The following SHOC1 variants were observed in gnomAD, a reference collection of about 807,000 sequenced individuals.
SHOC1 encodes shortage in chiasmata 1.
In SHOC1, 136 loss-of-function variants were observed where a neutral mutation model predicts 179.2. The observed-to-expected ratio is 0.76, with a 90% confidence interval of 0.66 to 0.87. The LOEUF is 0.87. SHOC1 is among the 40% of genes least tolerant of loss of function. The pLI is 0.00. For synonymous variants in SHOC1, 489 were observed against 586.6 expected (o/e 0.83, Z 2.41); for missense variants, 1,538 against 1,700.8 (o/e 0.90, Z 1.68).
Position 111,723,800 on chromosome 9 carries a change from T to C in SHOC1, c.1946A>G (p.Gln649Arg). ...AAAAGCATATAACATACCTGACGCTTGAATTTCAATGACACTATCTGTTCC... is the reference window on the plus strand; with the variant it reads ...AAAAGCATATAACATACCTGACGCTCGAATTTCAATGACACTATCTGTTCC... Reference protein sequence around the residue: ...ERGTDSVIEIQASDSQCQAFC... With the variant: ...ERGTDSVIEIRASDSQCQAFC... The change falls in exon 14 of 28, where the codon CAA becomes CGA. Residue 649 changes from glutamine to arginine, a missense_variant. Gln to Arg is a conservative substitution (Grantham distance 43). Coordinates refer to ENST00000682961, the MANE Select transcript of SHOC1 (RefSeq NM_001378211.1). 6.2e-7 allele frequency: 1 copy of C among 1,611,520 alleles called. No homozygotes were observed. The highest frequency in any genetic ancestry group is 1.1e-5 in the South Asian group (1 of 90,544).
At chr9:111,788,344 G>A (rs1432286115) in intron 2 of SHOC1, among the ~76,000 whole-genome samples, 1 of 151,990 alleles carries the variant, frequency 6.6e-6, no homozygotes, top group Non-Finnish European at 1.5e-5. Flanking sequence ...ACAGGGTTTT[G>A]CCATGTTGGC....
intron 5 of SHOC1, 36 bp from the exon 6 acceptor site, chr9:111,758,884 A>G: frequency 7.8e-7 from 1 of 1,281,576 alleles, no homozygotes; most frequent in Non-Finnish European, 1.1e-6. Flanking sequence ...GAATAAGAAA[A>G]AAACAAAAAG....
intron 4 of SHOC1, among the ~76,000 whole-genome samples, chr9:111,779,884 T>C (rs1255496798): frequency 3.9e-5 from 6 of 152,218 alleles, no homozygotes; most frequent in Admixed American, 3.9e-4. Context: ...ACAGGTAAAA[T>C]GACCAGCAAA....
At chr9:111,737,118 G>A (rs1833842985) in intron 12 of SHOC1, among the ~76,000 whole-genome samples, 1 of 152,178 alleles carries the variant, frequency 6.6e-6, no homozygotes, top group Non-Finnish European at 1.5e-5. Flanking sequence ...GGTGGGGGAT[G>A]TAAATTAGTT....
chr9:111,704,110 T>A (rs1265101084), intron 21 of SHOC1, 118 bp from the exon 22 acceptor site: 1 of 549,626 alleles, frequency 1.8e-6, no homozygotes, highest in Non-Finnish European at 3.2e-6. Context: ...TTCTTTTACA[T>A]GTCAATTTGT....
chr9:111,756,121 T>TTGACAA (rs1834848031), intron 8 of SHOC1, among the ~76,000 whole-genome samples: 1 of 146,512 alleles, frequency 6.8e-6, no homozygotes, highest in African/African-American at 2.7e-5. Flanking sequence ...AAATTTTGTC[T>TTGACAA]CGACAACAAC....
chr9:111,750,689 T>G (rs1037107008), intron 8 of SHOC1, among the ~76,000 whole-genome samples: 3 of 152,164 alleles, frequency 2.0e-5, no homozygotes, highest in Non-Finnish European at 2.9e-5. Context: ...TTTTGGGGGT[T>G]GTTTGCTTTT....
intron 11 of SHOC1, among the ~76,000 whole-genome samples, chr9:111,741,144 T>TA (rs935622477): frequency 1.6e-4 from 25 of 152,190 alleles, no homozygotes; most frequent in Non-Finnish European, 1.9e-4. Context: ...GATTTTTTTT[T>TA]ATTTTTATTT....
chr9:111,731,481 G>A (rs928966982), intron 12 of SHOC1, among the ~76,000 whole-genome samples: 1 of 152,134 alleles, frequency 6.6e-6, no homozygotes, highest in Non-Finnish European at 1.5e-5. Flanking sequence ...CATAGAGTGG[G>A]CCAAGGAAAG....
At chr9:111,688,470 C>T (rs756180346) in intron 27 of SHOC1, among the ~76,000 whole-genome samples, 26 of 151,828 alleles carry the variant, frequency 1.7e-4, no homozygotes, top group Non-Finnish European at 1.5e-4. Flanking sequence ...ACAAAGTGTC[C>T]CAAGTACATT....
At position 111,758,250 on chromosome 9, in the gene SHOC1, G is replaced by A. The variant is rs189914052; in HGVS notation, c.597-55C>T. ...ACTAAAAGCAAGTTACATACTAAAT[G>A]TAGCCAACCAAAACACATAATCATT... is the stretch of plus-strand genomic sequence containing the variant. On this transcript the variant is annotated intron_variant, in intron 6 of 27. Coordinates refer to ENST00000682961, the MANE Select transcript of SHOC1 (RefSeq NM_001378211.1). 3.2e-4 allele frequency: 291 copies of A among 915,950 alleles called. No homozygotes were observed. In the Middle Eastern group the frequency reaches 5.7e-3, roughly 18 times the overall value. 56.7% of individuals were successfully genotyped at this position (915,950 alleles called of 1,614,324 possible).
intron 18 of SHOC1, among the ~76,000 whole-genome samples, chr9:111,712,067 A>T (rs1350595511): frequency 6.6e-6 from 1 of 152,238 alleles, no homozygotes; most frequent in Non-Finnish European, 1.5e-5. Context: ...AGCTATAGGT[A>T]TAGACAAAGA....
chr9:111,716,531 C>T (rs979499196), intron 16 of SHOC1, among the ~76,000 whole-genome samples: 2 of 151,928 alleles, frequency 1.3e-5, no homozygotes, highest in African/African-American at 4.8e-5. Context: ...GCTGGGACTA[C>T]AGGTGTGCAC....
chr9:111,690,464 TTAAA>T (rs1433984945), intron 27 of SHOC1, among the ~76,000 whole-genome samples: 1 of 152,096 alleles, frequency 6.6e-6, no homozygotes, highest in Non-Finnish European at 1.5e-5. Context: ...GCATGAAATA[TTAAA>T]TAAAACAAAA....
intron 18 of SHOC1, among the ~76,000 whole-genome samples, chr9:111,711,852 C>T (rs1832568066): frequency 6.6e-6 from 1 of 152,086 alleles, no homozygotes; most frequent in African/African-American, 2.4e-5. Flanking sequence ...TGATTCTCTC[C>T]AATAGCGCTC....
At chr9:111,693,245 G>A (rs1831524205) in intron 26 of SHOC1, among the ~76,000 whole-genome samples, 1 of 151,926 alleles carries the variant, frequency 6.6e-6, no homozygotes, top group East Asian at 1.9e-4. Flanking sequence ...GCTGGAGACT[G>A]CAGTGAGCCG....
chr9:111,719,842 A>G (rs1832957003), intron 15 of SHOC1, among the ~76,000 whole-genome samples: 1 of 152,218 alleles, frequency 6.6e-6, no homozygotes, highest in African/African-American at 2.4e-5. Context: ...ATGAGATTCA[A>G]CTTGTTTTTC....
chr9:111,749,092 CTTCTT>C (rs200534504), intron 8 of SHOC1, among the ~76,000 whole-genome samples: 1,564 of 149,986 alleles, frequency 0.01, 31 homozygotes, highest in African/African-American at 0.036. Context: ...GCTTTTTTTC[CTTCTT>C]TTCTTAAGGC....
chr9:111,740,829 C>T (rs180862909), intron 11 of SHOC1, among the ~76,000 whole-genome samples: 68 of 152,330 alleles, frequency 4.5e-4, no homozygotes, highest in Non-Finnish European at 8.7e-4. Context: ...GGGTCGGCCT[C>T]CCAAAGTGCT....
Sources: allele counts gnomAD v4.1 joint callset (sites outside exome capture counted in the v4.1 genomes callset), GRCh38; gene constraint gnomAD v4.1.1; transcripts MANE v1.5; gene names NCBI Gene and HGNC (gene_info 2026-07-23, HGNC 2026-07-21).